VPS29: variants seen among roughly 807,000 people sequenced by gnomAD.
VPS29 encodes VPS29 retromer complex component.
In VPS29, 2 loss-of-function variants were observed where a neutral mutation model predicts 20.0. The ratio of observed to expected loss-of-function variants is 0.10; its 90% confidence interval spans 0.04 to 0.31. The LOEUF is 0.31. VPS29 is among the 10% of genes least tolerant of loss of function. The pLI, the probability that VPS29 is intolerant of heterozygous loss-of-function variation, is 1.00. For missense variants in VPS29, 120 were observed against 215.3 expected, an observed-to-expected ratio of 0.56 and a Z score of 2.77; for synonymous variants, 81 against 79.3, an observed-to-expected ratio of 1.02 and a Z score of -0.12.
chr12:110,501,776 G>T, intron 1 of VPS29: 1 of 1,076,264 alleles, frequency 9.3e-7, no homozygotes, highest in Non-Finnish European at 1.4e-6. Flanking sequence ...CGTGTCTCGT[G>T]ACAGGTCGGG....
At chr12:110,495,342 G>A (rs2062887227) in intron 2 of VPS29, among the ~76,000 whole-genome samples, 1 of 152,160 alleles carries the variant, frequency 6.6e-6, no homozygotes, top group Non-Finnish European at 1.5e-5. Context: ...TAGGAAGTTG[G>A]AATACAAGAA....
chr12:110,496,972 T>C (rs930084597), intron 1 of VPS29: 1 of 152,116 alleles, frequency 6.6e-6, no homozygotes, highest in African/African-American at 2.4e-5. Context: ...CTGGATTAAA[T>C]TGCTCATATA....
Position 110,491,846 on chromosome 12 carries a change from G to C in VPS29, c.*159C>G. On this transcript the variant is annotated 3_prime_UTR_variant, in exon 4 of 4. Coordinates refer to ENST00000549578, the MANE Select transcript of VPS29 (RefSeq NM_016226.5). ...ACTAAATATATTCTTATAGTTTACA[G>C]GAAGCTTGGAGCAATTATGTATTAA... 1.6e-6 allele frequency: 1 copy of C among 611,076 alleles called. No homozygotes were observed. Among genetic ancestry groups the C allele is most frequent in the Non-Finnish European group, 2.9e-6 (1 of 348,112 alleles). The allele number at this position is 611,076 out of a possible 1,614,324, so 37.9% of individuals were successfully genotyped here.
intron 2 of VPS29, among the ~76,000 whole-genome samples, chr12:110,494,556 A>C (rs1266487116): frequency 6.7e-6 from 1 of 148,296 alleles, no homozygotes; most frequent in African/African-American, 2.5e-5. Context: ...ACCCGGCCTA[A>C]AATAAAATTT....
At chr12:110,499,437 G>C in intron 1 of VPS29, 1 of 1,541,232 alleles carries the variant, frequency 6.5e-7, no homozygotes, top group South Asian at 1.2e-5. Context: ...TGGGAATTCG[G>C]TTACTTCCTT....
chr12:110,492,620 TTTA>T (rs1236985889), intron 3 of VPS29, among the ~76,000 whole-genome samples: 2 of 148,332 alleles, frequency 1.3e-5, no homozygotes, highest in African/African-American at 5.0e-5. Flanking sequence ...TATTTATTTA[TTTA>T]TTTATTTATT....
At chr12:110,495,902 GA>G (rs796464554) in intron 2 of VPS29, 109 bp downstream of exon 2, 27,845 of 798,180 alleles carry the variant, frequency 0.035, no homozygotes, top group South Asian at 0.042. Context: ...AAGAAAAAGG[GA>G]AAAAAAAAAA....
At position 110,496,104 on chromosome 12, in the gene VPS29, G is replaced by C. The variant is rs1387127755; in HGVS notation, c.103C>G (p.Leu35Val). ...TTGGTGCAAAGGTTTCCTGTGCAGAGAATGTGCTGAATTTTTCCTGGCACC... is the reference window on the plus strand; with the variant it reads ...TTGGTGCAAAGGTTTCCTGTGCAGACAATGTGCTGAATTTTTCCTGGCACC... The part of the protein sequence containing the change: ...LLVPGKIQHI[L>V]CTGNLCTKES... Residue 35 changes from leucine (L) to valine (V), a missense_variant, in exon 2 of 4, where the codon CTC (leucine) becomes GTC (valine). By Grantham distance (32) the Leu-to-Val change is conservative. Coordinates refer to ENST00000549578, the MANE Select transcript of VPS29 (RefSeq NM_016226.5). The C allele has an allele frequency of 3.1e-6, 5 of 1,614,066 alleles. No homozygotes were observed. In the South Asian group the frequency reaches 3.3e-5, roughly 11 times the overall value.
intron 1 of VPS29, among the ~76,000 whole-genome samples, chr12:110,497,655 C>G (rs2062930123): frequency 6.6e-6 from 1 of 151,756 alleles, no homozygotes; most frequent in African/African-American, 2.4e-5. Context: ...CTTTGGGAGG[C>G]CGAGGTGGGC....
intron 1 of VPS29, among the ~76,000 whole-genome samples, chr12:110,500,752 ATTTTT>A (rs60375403): frequency 6.9e-6 from 1 of 144,874 alleles, no homozygotes; most frequent in Admixed American, 6.9e-5. Context: ...CAAACAATTG[ATTTTT>A]TTTTTTTTTT....
In VPS29 at chr12:110,491,751, A is replaced by G. The variant is rs2062820397; in HGVS notation, c.*254T>C. On this transcript the variant is annotated 3_prime_UTR_variant, in exon 4 of 4. Transcript: ENST00000549578. The stretch of plus-strand genomic sequence containing the variant: ...ATCAACTTTGAAGATACTTACAAGG[A>G]TAAATTTTTCTTAACAAGTGACCAA... 2.8e-6 allele frequency: 1 copy of G among 358,754 alleles called. No homozygotes were observed. The highest frequency in any genetic ancestry group is 5.0e-6 in the Non-Finnish European group (1 of 199,862). The allele number at this position is 358,754 out of a possible 1,614,324, so 22.2% of individuals were successfully genotyped here. A position where few individuals can be genotyped will look rare whatever the true frequency, so the allele number is the denominator to read the frequency against.
intron 2 of VPS29, among the ~76,000 whole-genome samples, chr12:110,494,259 T>TC (rs1195277402): frequency 3.3e-4 from 49 of 150,362 alleles, no homozygotes; most frequent in Admixed American, 3.2e-3. Flanking sequence ...AAATTTTTTT[T>TC]TTTTTTTTTT....
intron 1 of VPS29, chr12:110,496,663 G>A (rs2062911414): frequency 6.6e-6 from 1 of 151,974 alleles, no homozygotes; most frequent in African/African-American, 2.4e-5. Flanking sequence ...AGACTGATAT[G>A]GTAATTCATA....
chr12:110,499,720 T>C (rs573704057), intron 1 of VPS29, among the ~76,000 whole-genome samples: 2 of 149,942 alleles, frequency 1.3e-5, no homozygotes, highest in South Asian at 2.1e-4. Context: ...TGAAAGAAAA[T>C]GTTAAAAATC....
At chr12:110,494,543 C>A (rs573291886) in intron 2 of VPS29, among the ~76,000 whole-genome samples, 1 of 151,710 alleles carries the variant, frequency 6.6e-6, no homozygotes, top group African/African-American at 2.4e-5. Flanking sequence ...CGTGAGCCAC[C>A]GCACCCGGCC....
chr12:110,492,987 A>G lies in VPS29; in HGVS notation c.431+9T>C. 1 of 1,601,416 alleles carries G rather than the reference A, an allele frequency of 6.2e-7. No individual in the cohort carries two copies. The highest frequency in any genetic ancestry group is 1.1e-5 in the South Asian group (1 of 89,192). ...AAGCCCCCAAATTCCCAAATTCTAT[A>G]CTACTCACGTTTCCAAGGCATTATA... On this transcript the variant is annotated intron_variant, in intron 3 of 3. Transcript: ENST00000549578.
chr12:110,501,674 A>T lies in VPS29; in HGVS notation c.3+375T>A, dbSNP rs373474995. ...CAGCGGGAGGTGCTTTTTGCGGGAA[A>T]CGAGTAGGAACCGTCTGGAAACGGA... On this transcript the variant is annotated intron_variant, in intron 1 of 3. Coordinates refer to ENST00000549578, the MANE Select transcript of VPS29 (RefSeq NM_016226.5). 4.2e-5 allele frequency: 62 copies of T among 1,486,450 alleles called. No homozygotes were observed. The East Asian group carries it at 1.1e-3, about 27-fold the overall frequency. The allele number at this position is 1,486,450 out of a possible 1,614,324, so 92.1% of individuals were successfully genotyped here. A position where few individuals can be genotyped will look rare whatever the true frequency, so the allele number is the denominator to read the frequency against.
At chr12:110,498,094 C>G (rs2062937712) in intron 1 of VPS29, among the ~76,000 whole-genome samples, 1 of 151,486 alleles carries the variant, frequency 6.6e-6, no homozygotes, top group Admixed American at 6.6e-5. Context: ...GCCTCAGCCT[C>G]CCGAGTAGCT....
At chr12:110,497,338 T>C (rs1419958633) in intron 1 of VPS29, among the ~76,000 whole-genome samples, 1 of 149,100 alleles carries the variant, frequency 6.7e-6, no homozygotes, top group African/African-American at 2.5e-5. Context: ...TGCCTCAGCT[T>C]CCCGAGTAGC....
Sources: allele counts gnomAD v4.1 joint callset (sites outside exome capture counted in the v4.1 genomes callset), GRCh38; gene constraint gnomAD v4.1.1; transcripts MANE v1.5; gene names NCBI Gene and HGNC (gene_info 2026-07-23, HGNC 2026-07-21).